The following ABTB2 variants were observed in gnomAD, a reference collection of about 807,000 sequenced individuals.
ABTB2 encodes the protein ankyrin repeat and BTB domain containing 2, also known as ankyrin repeat and BTB/POZ domain-containing protein 2.
A neutral mutation model predicts 104.1 loss-of-function variants in ABTB2; 56 were observed. The observed-to-expected ratio is 0.54, with a 90% CI of 0.43 to 0.67. The LOEUF (loss-of-function observed/expected upper bound fraction) is 0.67. Ranked by LOEUF, ABTB2 falls within the 30% of genes least tolerant of loss-of-function variation. The probability of loss-of-function intolerance (pLI) is 0.00; values close to 1 mark genes in which losing one functional copy is unlikely to be tolerated. For missense variants in ABTB2, 1,279 were observed against 1,407.7 expected, an observed-to-expected ratio of 0.91 and a Z score of 1.46; for synonymous variants, 606 against 608.2, an observed-to-expected ratio of 1.00 and a Z score of 0.05.
intron 10 of ABTB2, among the ~76,000 whole-genome samples, chr11:34,161,479 CATT>C (rs1278730758): frequency 1.3e-5 from 2 of 152,124 alleles, no homozygotes; most frequent in Non-Finnish European, 2.9e-5. Context: ...AGAGAGGTCT[CATT>C]AGTTGTGGAG....
chr11:34,214,387 G>A (rs1004846904), intron 1 of ABTB2, among the ~76,000 whole-genome samples: 4 of 152,118 alleles, frequency 2.6e-5, no homozygotes, highest in African/African-American at 9.7e-5. Flanking sequence ...ATATGAGAGA[G>A]GGGATGAGAT....
chr11:34,330,220 C>T (rs1855112737), intron 1 of ABTB2, among the ~76,000 whole-genome samples: 1 of 152,188 alleles, frequency 6.6e-6, no homozygotes, highest in South Asian at 2.1e-4. Flanking sequence ...GCCTCTAACA[C>T]AGGGAGAATA....
intron 1 of ABTB2, among the ~76,000 whole-genome samples, chr11:34,289,126 C>G (rs576031909): frequency 1.1e-4 from 16 of 152,228 alleles, no homozygotes; most frequent in Non-Finnish European, 1.9e-4. Context: ...GCTAATCTAA[C>G]AGAATTCTTA....
intron 10 of ABTB2, 34 bp downstream of exon 10, chr11:34,162,542 A>G (rs1852736376): frequency 1.2e-6 from 2 of 1,603,006 alleles, no homozygotes; most frequent in Non-Finnish European, 8.5e-7. Flanking sequence ...ATATGCATGC[A>G]TGGACATGGG....
intron 1 of ABTB2, among the ~76,000 whole-genome samples, chr11:34,225,446 TCTTCC>T (rs990066474): frequency 6.6e-6 from 1 of 152,224 alleles, no homozygotes; most frequent in Non-Finnish European, 1.5e-5. Flanking sequence ...CTAGCTTTCC[TCTTCC>T]CTTCCCTTAA....
chr11:34,333,563 C>T (rs1336936249), intron 1 of ABTB2, among the ~76,000 whole-genome samples: 1 of 152,168 alleles, frequency 6.6e-6, no homozygotes, highest in African/African-American at 2.4e-5. Flanking sequence ...CAAGACCAGC[C>T]TGGCCAACAT....
rs755530594 is a variant in ABTB2 at position 34,197,463 on chromosome 11, T to C, written c.1106A>G (p.Gln369Arg). The C allele has an allele frequency of 1.9e-6, 3 of 1,590,462 alleles. No homozygotes were observed. Among genetic ancestry groups the C allele is most frequent in the Non-Finnish European group, 2.6e-6 (3 of 1,168,182 alleles). Residue 369 changes from glutamine to arginine, a missense_variant, in exon 3 of 17, where the codon CAG becomes CGG. Transcript: ENST00000435224. ...PLCPGASPARQARQPPQPITW... is the reference protein window; with the variant it reads ...PLCPGASPARRARQPPQPITW... The stretch of plus-strand genomic sequence containing the variant: ...GATGGGCTGTGGCGGCTGGCGGGCC[T>C]GGCGGGCAGGGCTGGCACCCGGGCA...
chr11:34,333,960 T>C (rs1270184), intron 1 of ABTB2, among the ~76,000 whole-genome samples: 135,933 of 150,150 alleles, frequency 0.91, 61,732 homozygotes, highest in East Asian at 1. Flanking sequence ...ACATGACTGA[T>C]GTGTCTCAAA....
chr11:34,235,419 G>A lies in ABTB2; in HGVS notation c.884-30729C>T, dbSNP rs925128524. On this transcript the variant is annotated intron_variant, in intron 1 of 16. Coordinates refer to ENST00000435224, the MANE Select transcript of ABTB2 (RefSeq NM_145804.3). ...TCTCTGTAGTGGTTATGAACATATCGCATAAAGCACTAAACCCAATGCCTG... is the reference window on the plus strand; with the variant it reads ...TCTCTGTAGTGGTTATGAACATATCACATAAAGCACTAAACCCAATGCCTG... Among the ~76,000 whole-genome samples, 7 of 152,226 alleles carry A rather than the reference G, an allele frequency of 4.6e-5. No homozygotes were observed. The South Asian group carries it at 8.3e-4, about 18-fold the overall frequency.
At chr11:34,243,003 C>T (rs1853938565) in intron 1 of ABTB2, among the ~76,000 whole-genome samples, 1 of 152,132 alleles carries the variant, frequency 6.6e-6, no homozygotes, top group Admixed American at 6.5e-5. Context: ...GGACCTCTCC[C>T]CTCCACAGCC....
intron 1 of ABTB2, among the ~76,000 whole-genome samples, chr11:34,311,709 G>A (rs1028177893): frequency 6.6e-6 from 1 of 152,176 alleles, no homozygotes; most frequent in African/African-American, 2.4e-5. Flanking sequence ...CCAGTTACTA[G>A]TATTCTTTCC....
chr11:34,235,975 C>G (rs1229884344), intron 1 of ABTB2, among the ~76,000 whole-genome samples: 1 of 152,150 alleles, frequency 6.6e-6, no homozygotes, highest in Non-Finnish European at 1.5e-5. Context: ...TCCCTGCTGC[C>G]CACACTCAGA....
rs548399285 is a variant in ABTB2 at position 34,183,756 on chromosome 11, C to T, written c.1245-10449G>A. Among the ~76,000 whole-genome samples the T allele has an allele frequency of 3.9e-5, 6 of 152,350 alleles. 1 individual carries two copies. The highest frequency in any genetic ancestry group is 1.4e-4 in the African/African-American group (6 of 41,578). On this transcript the variant is annotated intron_variant, in intron 3 of 16. Transcript: ENST00000435224. ...TTTTTGCTCACTGACGTTTCCCCAT[C>T]TCTCCGCACAGAAGCCGGTGTTAGA...
intron 1 of ABTB2, among the ~76,000 whole-genome samples, chr11:34,283,226 C>A (rs925611747): frequency 1.4e-5 from 2 of 143,140 alleles, no homozygotes; most frequent in African/African-American, 2.6e-5. Context: ...CCATCTTTTT[C>A]TTTTTTTGAG....
At chr11:34,184,692 A>G (rs1853074979) in intron 3 of ABTB2, among the ~76,000 whole-genome samples, 1 of 152,266 alleles carries the variant, frequency 6.6e-6, no homozygotes, top group Admixed American at 6.5e-5. Flanking sequence ...CAGCTGGTCC[A>G]GCAGGCCTGG....
At chr11:34,351,253 A>G (rs1483366716) in intron 1 of ABTB2, among the ~76,000 whole-genome samples, 2 of 110,858 alleles carry the variant, frequency 1.8e-5, no homozygotes, top group Admixed American at 8.2e-5. Flanking sequence ...ACAGATGTAA[A>G]CTCTTCTGAG....
chr11:34,307,063 G>GTACACTT (rs1854786405), intron 1 of ABTB2, among the ~76,000 whole-genome samples: 1 of 151,860 alleles, frequency 6.6e-6, no homozygotes, highest in African/African-American at 2.4e-5. Context: ...TGCGTGTAGG[G>GTACACTT]TACACTTCCC....
chr11:34,225,429 T>C (rs534060367), intron 1 of ABTB2, among the ~76,000 whole-genome samples: 1 of 152,298 alleles, frequency 6.6e-6, no homozygotes, highest in South Asian at 2.1e-4. Context: ...GCCCACCCTC[T>C]TGGGCTCTAG....
intron 1 of ABTB2, among the ~76,000 whole-genome samples, chr11:34,319,916 C>T (rs541097299): frequency 5.9e-5 from 9 of 152,270 alleles, no homozygotes; most frequent in African/African-American, 1.9e-4. Context: ...GATCCACCCA[C>T]CTCGGCCTCC....
Sources: gnomAD v4.1 joint callset for allele counts (sites outside exome capture counted in the v4.1 genomes callset) on GRCh38, gnomAD v4.1.1 for gene constraint, MANE v1.5 for transcripts, NCBI Gene and HGNC (gene_info 2026-07-23, HGNC 2026-07-21) for gene names.